Variants in CRACDL observed in about 807,000 individuals in gnomAD.
The protein encoded by CRACDL is CRACD-like protein.
CRACDL carries 26 observed loss-of-function variants against 70.6 expected under a neutral mutation model. The observed-to-expected ratio is 0.37, with a 90% confidence interval of 0.27 to 0.51. The LOEUF is 0.51. CRACDL is among the 20% of genes least tolerant of loss of function. The probability of loss-of-function intolerance (pLI) is 0.94; values close to 1 mark genes in which losing one functional copy is unlikely to be tolerated. For missense variants in CRACDL, 1,283 were observed against 1,376.9 expected (o/e 0.93, Z 1.08); for synonymous variants, 618 against 615.2 (o/e 1.00, Z -0.07).
intron 1 of CRACDL, among the ~76,000 whole-genome samples, chr2:98,924,675 C>G (rs1215401403): frequency 1.3e-5 from 2 of 152,172 alleles, no homozygotes; most frequent in East Asian, 1.9e-4. Context: ...GGGGCCCCCC[C>G]AGGGCATGGC....
At chr2:98,882,033 T>TG (rs1304656669) in intron 1 of CRACDL, among the ~76,000 whole-genome samples, 3 of 152,164 alleles carry the variant, frequency 2.0e-5, no homozygotes, top group Non-Finnish European at 4.4e-5. Flanking sequence ...GGTTGCTGTG[T>TG]GGGGGCACCT....
intron 7 of CRACDL, among the ~76,000 whole-genome samples, chr2:98,800,934 CTGTG>C (rs1014040952): frequency 2.0e-5 from 3 of 152,276 alleles, no homozygotes; most frequent in East Asian, 1.9e-4. Context: ...TCCAGCTGTA[CTGTG>C]TGTGTGTTTT....
intron 7 of CRACDL, among the ~76,000 whole-genome samples, chr2:98,815,325 C>T (rs906777025): frequency 6.6e-6 from 1 of 152,202 alleles, no homozygotes; most frequent in African/African-American, 2.4e-5. Flanking sequence ...TTGCTGTGCT[C>T]ATTCTAGTCA....
chr2:98,826,614 G>A (rs540781553), intron 6 of CRACDL, among the ~76,000 whole-genome samples: 8 of 152,276 alleles, frequency 5.3e-5, no homozygotes, highest in Admixed American at 4.6e-4. Flanking sequence ...TGGCCAGAAC[G>A]CTGAGTGAGA....
At chr2:98,804,926 A>G (rs1704223371) in intron 7 of CRACDL, among the ~76,000 whole-genome samples, 2 of 152,242 alleles carry the variant, frequency 1.3e-5, no homozygotes, top group African/African-American at 2.4e-5. Flanking sequence ...TTCTCAGAGC[A>G]TAACTTCCTT....
intron 1 of CRACDL, among the ~76,000 whole-genome samples, chr2:98,866,033 C>G (rs752849502): frequency 6.6e-6 from 1 of 152,126 alleles, no homozygotes; most frequent in Non-Finnish European, 1.5e-5. Context: ...GCAAAACCTT[C>G]TCTGTCCTCT....
chr2:98,918,539 C>CAAAAAAAAAAAAAAAAAAAAA (rs58312556), intron 1 of CRACDL, among the ~76,000 whole-genome samples: 1 of 66,358 alleles, frequency 1.5e-5, no homozygotes, highest in African/African-American at 5.4e-5. Context: ...TGTTGTCTAC[C>CAAAAAAAAAAAAAAAAAAAAA]AAAAAAAAAA....
At chr2:98,902,456 A>G (rs1708306051) in intron 1 of CRACDL, among the ~76,000 whole-genome samples, 1 of 152,150 alleles carries the variant, frequency 6.6e-6, no homozygotes. Context: ...ATCAATATGA[A>G]GTGGGCTCCC....
At chr2:98,866,634 C>G (rs1002931735) in intron 1 of CRACDL, among the ~76,000 whole-genome samples, 2 of 151,110 alleles carry the variant, frequency 1.3e-5, no homozygotes, top group Non-Finnish European at 3.0e-5. Flanking sequence ...ATTACAGGCA[C>G]GCACCACCAC....
intron 1 of CRACDL, among the ~76,000 whole-genome samples, chr2:98,922,747 C>A (rs1410401867): frequency 1.3e-5 from 2 of 152,154 alleles, no homozygotes. Context: ...TGCAAGGGTC[C>A]GAGAGCTTCT....
Position 98,797,380 on chromosome 2 carries a change from T to C in CRACDL, c.2574A>G (p.Gly858=), listed in dbSNP as rs1481653649. The C allele has an allele frequency of 4.3e-6, 7 of 1,614,218 alleles. No homozygotes were observed. The highest frequency in any genetic ancestry group is 5.1e-6 in the Non-Finnish European group (6 of 1,180,038). ...CTCTCTCGGGCACCTTGGCTTGCTT[T>C]CCTGGTTCAGACTTCAGGGTCCGTG... The part of the protein sequence containing the change: ...PGARTLKSEP[G]KQAKVPERGQ... Residue 858 remains glycine, a synonymous_variant, in exon 8 of 10, where the codon GGA becomes GGG. Coordinates refer to ENST00000397899, the MANE Select transcript of CRACDL (RefSeq NM_207362.3).
At chr2:98,818,443 G>A (rs1370795967) in intron 7 of CRACDL, among the ~76,000 whole-genome samples, 1 of 152,224 alleles carries the variant, frequency 6.6e-6, no homozygotes, top group East Asian at 1.9e-4. Flanking sequence ...GGACAAAGCA[G>A]TTTGAGTGCC....
Position 98,823,072 on chromosome 2 carries a change from G to A in CRACDL, c.1201C>T (p.Pro401Ser). 1 of 1,572,032 alleles carries A rather than the reference G, an allele frequency of 6.4e-7. No homozygotes were observed. Among genetic ancestry groups the A allele is most frequent in the Admixed American group, 1.8e-5 (1 of 55,794 alleles). Residue 401 changes from proline to serine, a missense_variant, in exon 7 of 10, where the codon CCG becomes TCG. Physicochemically the swap from Pro to Ser is moderately conservative, Grantham distance 74 (BLOSUM62 -1). This residue lies in a region of CRACDL where 921 missense variants were observed against 881.9 expected (regional missense o/e 1.04). Transcript: ENST00000397899. The surrounding 1 kb of genome is among the most constrained non-coding windows in gnomAD (Gnocchi z 4.0). ...VVCAPEDVASPFPTAIPEGDT... is the reference protein window; with the variant it reads ...VVCAPEDVASSFPTAIPEGDT... ...CCCTCAGGGATGGCGGTGGGAAACG[G>A]GCTCGCGACGTCTTCGGGAGCACAG...
chr2:98,811,539 A>AAG (rs1704563686), intron 7 of CRACDL, among the ~76,000 whole-genome samples: 1 of 150,436 alleles, frequency 6.6e-6, no homozygotes, highest in Non-Finnish European at 1.5e-5. Flanking sequence ...AAAAAAAAAA[A>AAG]GAAAATTATT....
intron 1 of CRACDL, among the ~76,000 whole-genome samples, chr2:98,854,504 A>G (rs1483725482): frequency 6.6e-6 from 1 of 152,076 alleles, no homozygotes; most frequent in African/African-American, 2.4e-5. Context: ...ACTTCTGCTC[A>G]TCAAAAGACA....
chr2:98,911,499 G>A (rs931667805), intron 1 of CRACDL, among the ~76,000 whole-genome samples: 4 of 152,304 alleles, frequency 2.6e-5, no homozygotes, highest in African/African-American at 9.6e-5. Flanking sequence ...TTCCCACTTC[G>A]TGTGCCAGGC....
intron 1 of CRACDL, among the ~76,000 whole-genome samples, chr2:98,886,174 A>C (rs1707791995): frequency 6.6e-6 from 1 of 152,244 alleles, no homozygotes; most frequent in South Asian, 2.1e-4. Context: ...GATTCTTCAA[A>C]GCTTCATTCT....
chr2:98,828,533 G>T (rs1469291869), intron 5 of CRACDL, among the ~76,000 whole-genome samples: 1 of 152,164 alleles, frequency 6.6e-6, no homozygotes, highest in African/African-American at 2.4e-5. Flanking sequence ...CCCCCACACA[G>T]AGCAGGTGCC....
chr2:98,831,101 T>C (rs1215871932), intron 5 of CRACDL, among the ~76,000 whole-genome samples: 1 of 152,166 alleles, frequency 6.6e-6, no homozygotes, highest in East Asian at 1.9e-4. Context: ...GGCCACCCCA[T>C]CCTCCTCATC....
Sources: allele counts gnomAD v4.1 joint callset (sites outside exome capture counted in the v4.1 genomes callset), GRCh38; gene constraint gnomAD v4.1.1; regional missense constraint gnomAD v4.1.1; non-coding constraint Gnocchi (gnomAD v3.1); transcripts MANE v1.5; gene names NCBI Gene and HGNC (gene_info 2026-07-23, HGNC 2026-07-21).